The following GRM7 variants were observed in gnomAD, a reference collection of about 807,000 sequenced individuals.
GRM7 encodes the protein metabotropic glutamate receptor 7.
In GRM7, 35 loss-of-function variants were observed where a neutral mutation model predicts 84.5. The observed-to-expected ratio is 0.41, with a 90% CI of 0.32 to 0.55. The LOEUF (loss-of-function observed/expected upper bound fraction) is 0.55, where lower values mean the gene tolerates loss of function less well. Ranked by LOEUF, GRM7 falls within the 20% of genes least tolerant of loss-of-function variation. The probability of loss-of-function intolerance (pLI) is 0.19; values close to 1 mark genes in which losing one functional copy is unlikely to be tolerated. For missense variants in GRM7, 1,003 were observed against 1,194.6 expected, an observed-to-expected ratio of 0.84 and a Z score of 2.36; for synonymous variants, 487 against 455.1, an observed-to-expected ratio of 1.07 and a Z score of -0.89.
At position 7,452,804 on chromosome 3, in the gene GRM7, A is replaced by C. The variant is rs1455379360; in HGVS notation, c.1372A>C (p.Asn458His). Residue 458 changes from asparagine (N) to histidine (H), a missense_variant, in exon 6 of 10, where the codon AAT becomes CAT. Transcript: ENST00000357716. ...LLKYIRNVNF[N>H]GSAGTPVMFN... The stretch of plus-strand genomic sequence containing the variant: ...GAAGTATATACGCAATGTTAATTTC[A>C]ATGGTGAGTCTCCAAAAATCCATCC... The C allele has an allele frequency of 2.5e-6, 4 of 1,600,990 alleles. No individual in the cohort carries two copies. Among genetic ancestry groups the C allele is most frequent in the Admixed American group, 1.7e-5 (1 of 59,752 alleles).
chr3:6,924,642 C>T (rs1002313948), intron 1 of GRM7, among the ~76,000 whole-genome samples: 1 of 151,886 alleles, frequency 6.6e-6, no homozygotes, highest in Admixed American at 6.6e-5. Context: ...TGGGCAACTC[C>T]ATGCCAATGA....
intron 8 of GRM7, among the ~76,000 whole-genome samples, 197 bp from the exon 9 acceptor site, chr3:7,679,852 A>G (rs1400673951): frequency 1.3e-5 from 2 of 152,236 alleles, no homozygotes; most frequent in South Asian, 2.1e-4. Flanking sequence ...GATTGACCCA[A>G]TAGCATTCAA....
chr3:7,231,868 A>G (rs1697206694), intron 2 of GRM7, among the ~76,000 whole-genome samples: 1 of 152,182 alleles, frequency 6.6e-6, no homozygotes, highest in South Asian at 2.1e-4. Context: ...TTCAACATTT[A>G]TCCAGACCCA....
At chr3:7,330,601 G>A (rs144299075) in intron 4 of GRM7, among the ~76,000 whole-genome samples, 1,581 of 152,264 alleles carry the variant, frequency 0.01, 33 homozygotes, top group African/African-American at 0.035. Flanking sequence ...ATAAGTCTCA[G>A]AAGATCTGAT....
chr3:7,528,339 C>CT (rs1700890465), intron 7 of GRM7, among the ~76,000 whole-genome samples: 1 of 151,960 alleles, frequency 6.6e-6, no homozygotes, highest in African/African-American at 2.4e-5. Context: ...CTCTGAGAAT[C>CT]TTTTGTATTT....
chr3:7,427,770 A>G (rs1696670681), intron 5 of GRM7, among the ~76,000 whole-genome samples: 1 of 152,112 alleles, frequency 6.6e-6, no homozygotes, highest in African/African-American at 2.4e-5. Context: ...TTGCTATTTT[A>G]TAAGTGAGTA....
Position 7,583,616 on chromosome 3 carries a change from G to A in GRM7, c.2451+4259G>A, listed in dbSNP as rs926515926. Among the ~76,000 whole-genome samples the A allele has an allele frequency of 1.3e-5, 2 of 152,210 alleles. 1 individual carries two copies. Among genetic ancestry groups the A allele is most frequent in the Middle Eastern group, 6.3e-3 (2 of 316 alleles). ...TTGCTGTCATTGTGTGAAAACCAAT[G>A]ATAGTTTTCGTAAAGATTAATCGAC... On this transcript the variant is annotated intron_variant, in intron 8 of 9. Coordinates refer to ENST00000357716, the MANE Select transcript of GRM7 (RefSeq NM_000844.4).
intron 2 of GRM7, among the ~76,000 whole-genome samples, chr3:7,258,592 GA>G: frequency 6.6e-6 from 1 of 152,334 alleles, no homozygotes; most frequent in East Asian, 1.9e-4. Flanking sequence ...TGATTCTTAT[GA>G]GATATTTCCA....
intron 8 of GRM7, chr3:7,608,100 T>G (rs958989502): frequency 1.9e-5 from 5 of 261,588 alleles, no homozygotes; most frequent in African/African-American, 1.1e-4. Context: ...CCATGGTGTG[T>G]ATGTACCACA....
Position 7,285,828 on chromosome 3 carries a change from AT to A in GRM7, c.737-12849del, listed in dbSNP as rs147995096. On this transcript the variant is annotated intron_variant, in intron 2 of 9. Transcript: ENST00000357716. ...GTTCTACTTATCATATTTATTTATG[AT>A]TTTTTTCCTTCTAATTTATCTCTTA... 5.0e-3 allele frequency among the ~76,000 whole-genome samples: 755 copies of A among 152,020 alleles called. 10 individuals carry two copies. The highest frequency in any genetic ancestry group is 0.018 in the African/African-American group (728 of 41,464).
At chr3:7,158,991 G>C (rs1431629422) in intron 2 of GRM7, among the ~76,000 whole-genome samples, 2 of 152,152 alleles carry the variant, frequency 1.3e-5, no homozygotes, top group Admixed American at 1.3e-4. Flanking sequence ...TGTCAGTTCT[G>C]TTGAGCTTGT....
At chr3:7,250,831 T>C (rs958938390) in intron 2 of GRM7, among the ~76,000 whole-genome samples, 2 of 152,168 alleles carry the variant, frequency 1.3e-5, no homozygotes, top group African/African-American at 4.8e-5. Context: ...GCCAATATTA[T>C]ATATATTTTT....
At chr3:7,660,744 G>A (rs953538693) in intron 8 of GRM7, among the ~76,000 whole-genome samples, 2 of 152,104 alleles carry the variant, frequency 1.3e-5, no homozygotes, top group Non-Finnish European at 2.9e-5. Context: ...ATTATTATAA[G>A]GCTCTAGAAA....
At chr3:7,530,744 T>C (rs942545417) in intron 7 of GRM7, among the ~76,000 whole-genome samples, 1 of 152,148 alleles carries the variant, frequency 6.6e-6, no homozygotes, top group Non-Finnish European at 1.5e-5. Flanking sequence ...AATGCCTTCT[T>C]TTGAGGAGTG....
At chr3:7,228,879 G>A (rs1356906040) in intron 2 of GRM7, among the ~76,000 whole-genome samples, 1 of 152,248 alleles carries the variant, frequency 6.6e-6, no homozygotes, top group African/African-American at 2.4e-5. Flanking sequence ...ATGATGTGAT[G>A]AAGATGTGGT....
At chr3:6,878,602 A>C (rs572767141) in intron 1 of GRM7, among the ~76,000 whole-genome samples, 1 of 152,118 alleles carries the variant, frequency 6.6e-6, no homozygotes, top group Non-Finnish European at 1.5e-5. Context: ...AGAAAATTCC[A>C]CTTGAGAAAT....
chr3:7,349,446 T>C (rs1693035977), intron 4 of GRM7, among the ~76,000 whole-genome samples: 1 of 152,196 alleles, frequency 6.6e-6, no homozygotes, highest in African/African-American at 2.4e-5. Flanking sequence ...GGAATTTGTC[T>C]TCTCCACATG....
chr3:7,218,426 T>C (rs1228882072), intron 2 of GRM7, among the ~76,000 whole-genome samples: 1 of 152,080 alleles, frequency 6.6e-6, no homozygotes, highest in Non-Finnish European at 1.5e-5. Flanking sequence ...CATGTGCCCA[T>C]GTTTTATTTT....
chr3:6,888,431 G>A (rs1163831564), intron 1 of GRM7, among the ~76,000 whole-genome samples: 1 of 152,142 alleles, frequency 6.6e-6, no homozygotes, highest in African/African-American at 2.4e-5. Flanking sequence ...AAGGGATCCA[G>A]TTTCAGCTTT....
Sources: allele counts gnomAD v4.1 joint callset (sites outside exome capture counted in the v4.1 genomes callset), GRCh38; gene constraint gnomAD v4.1.1; transcripts MANE v1.5; gene names NCBI Gene and HGNC (gene_info 2026-07-23, HGNC 2026-07-21).